Variants in CDH18 observed in about 807,000 individuals in gnomAD.
CDH18 encodes cadherin-18.
CDH18 carries 31 observed loss-of-function variants against 67.9 expected under a neutral mutation model. That is an observed-to-expected ratio of 0.46 (90% confidence interval 0.34 to 0.62). The LOEUF (loss-of-function observed/expected upper bound fraction) is 0.62. Among genes scored for constraint, CDH18 ranks in the 20% least tolerant of loss-of-function variants. The pLI is 0.01. For missense variants in CDH18, 890 were observed against 975.5 expected (o/e 0.91, Z 1.17); for synonymous variants, 362 against 347.2 (o/e 1.04, Z -0.48).
intron 2 of CDH18, among the ~76,000 whole-genome samples, chr5:20,195,062 G>A (rs1738863665): frequency 6.6e-6 from 1 of 151,960 alleles, no homozygotes; most frequent in Non-Finnish European, 1.5e-5. Context: ...CAGTATAACT[G>A]CAAAGCTAAA....
At chr5:20,323,178 TC>T (rs1229308523) in intron 1 of CDH18, among the ~76,000 whole-genome samples, 3 of 152,138 alleles carry the variant, frequency 2.0e-5, no homozygotes, top group Non-Finnish European at 4.4e-5. Context: ...GCTGTAATCA[TC>T]ACAATGAAAT....
chr5:20,390,653 T>A (rs994350345), intron 1 of CDH18, among the ~76,000 whole-genome samples: 2 of 152,108 alleles, frequency 1.3e-5, no homozygotes, highest in Non-Finnish European at 2.9e-5. Flanking sequence ...ACCCAAAGGA[T>A]TATAAATCAT....
chr5:19,865,734 G>A (rs917674383), intron 2 of CDH18, among the ~76,000 whole-genome samples: 2 of 152,160 alleles, frequency 1.3e-5, no homozygotes, highest in Non-Finnish European at 2.9e-5. Context: ...GCAAGAGACT[G>A]GGGAAGAGGG....
rs997879527 is a variant in CDH18 at position 19,473,013 on chromosome 5, C to A, written c.*213G>T. On this transcript the variant is annotated 3_prime_UTR_variant, in exon 13 of 13. Transcript: ENST00000382275. ...TGAAAATATACACAAGGAACAATAACTTTTTCTTTGTATTGTCTTTTTTTT... is the reference window on the plus strand; with the variant it reads ...TGAAAATATACACAAGGAACAATAAATTTTTCTTTGTATTGTCTTTTTTTT... The A allele has an allele frequency of 2.3e-4, 117 of 512,228 alleles. No individual in the cohort carries two copies. The highest frequency in any genetic ancestry group is 6.7e-5 in the Non-Finnish European group (20 of 296,774). 31.7% of individuals were successfully genotyped at this position (512,228 alleles called of 1,614,324 possible).
At chr5:19,627,260 G>A (rs1751691473) in intron 5 of CDH18, among the ~76,000 whole-genome samples, 1 of 152,122 alleles carries the variant, frequency 6.6e-6, no homozygotes, top group Admixed American at 6.5e-5. Context: ...TGAAGAAATA[G>A]TATCCTAAAT....
intron 3 of CDH18, among the ~76,000 whole-genome samples, chr5:19,797,317 C>T (rs1260618817): frequency 6.6e-6 from 1 of 151,824 alleles, no homozygotes; most frequent in African/African-American, 2.4e-5. Context: ...AACTTAGTAA[C>T]TTCTACTCAG....
At chr5:19,848,713 A>G (rs1783292074) in intron 2 of CDH18, among the ~76,000 whole-genome samples, 1 of 151,938 alleles carries the variant, frequency 6.6e-6, no homozygotes, top group Admixed American at 6.6e-5. Context: ...GAGGTAATGT[A>G]GGACTGGTTT....
At chr5:20,012,178 T>C (rs756154933) in intron 2 of CDH18, among the ~76,000 whole-genome samples, 2 of 151,930 alleles carry the variant, frequency 1.3e-5, no homozygotes, top group Non-Finnish European at 2.9e-5. Flanking sequence ...GGTGTATATA[T>C]CTAGGAATTT....
chr5:19,739,449 A>T (rs1392886053), intron 4 of CDH18, among the ~76,000 whole-genome samples: 1 of 152,150 alleles, frequency 6.6e-6, no homozygotes, highest in Non-Finnish European at 1.5e-5. Flanking sequence ...ACTGCAGGTG[A>T]GGGAGGCACC....
intron 1 of CDH18, among the ~76,000 whole-genome samples, chr5:20,564,894 G>A (rs974248468): frequency 2.0e-5 from 3 of 152,096 alleles, no homozygotes; most frequent in Non-Finnish European, 2.9e-5. Flanking sequence ...AAATAACTGA[G>A]TTCATTATGA....
intron 2 of CDH18, among the ~76,000 whole-genome samples, chr5:19,976,981 A>G (rs1798566113): frequency 6.6e-6 from 1 of 152,172 alleles, no homozygotes. Context: ...GTTTAAATAT[A>G]TATGCTTTTC....
intron 5 of CDH18, among the ~76,000 whole-genome samples, chr5:19,666,895 T>C (rs2150334030): frequency 1.3e-5 from 2 of 152,166 alleles, no homozygotes; most frequent in East Asian, 3.9e-4. Context: ...TTCTGTTGGA[T>C]AATGGAGAAA....
intron 1 of CDH18, among the ~76,000 whole-genome samples, chr5:20,541,913 G>A (rs1031650768): frequency 4.6e-5 from 7 of 152,078 alleles, no homozygotes; most frequent in African/African-American, 1.7e-4. Context: ...TCCCTGACGA[G>A]GTTATTGAAT....
intron 1 of CDH18, among the ~76,000 whole-genome samples, chr5:20,333,422 G>A (rs1024827196): frequency 1.5e-4 from 23 of 150,556 alleles, no homozygotes; most frequent in African/African-American, 4.4e-4. Context: ...GAGGGGAATC[G>A]CTTGAACCCA....
chr5:19,524,827 G>T (rs1196916445), intron 9 of CDH18, among the ~76,000 whole-genome samples: 8 of 152,142 alleles, frequency 5.3e-5, no homozygotes, highest in Non-Finnish European at 1.0e-4. Flanking sequence ...CTCACTACAA[G>T]CTCCGCCTCC....
At chr5:20,546,645 A>T (rs1360284581) in intron 1 of CDH18, among the ~76,000 whole-genome samples, 1 of 152,108 alleles carries the variant, frequency 6.6e-6, no homozygotes, top group African/African-American at 2.4e-5. Flanking sequence ...CACTCCCAGG[A>T]TCCAATTACA....
intron 2 of CDH18, among the ~76,000 whole-genome samples, chr5:19,908,181 T>C (rs772825311): frequency 6.6e-6 from 1 of 152,070 alleles, no homozygotes; most frequent in Non-Finnish European, 1.5e-5. Context: ...TACCTTGTTT[T>C]GATGGGGAAA....
At chr5:20,136,050 G>A (rs1749686054) in intron 2 of CDH18, among the ~76,000 whole-genome samples, 1 of 152,186 alleles carries the variant, frequency 6.6e-6, no homozygotes. Context: ...ATGTGGTGCT[G>A]AGAAGAATGT....
chr5:19,588,658 A>G (rs1434434546), intron 7 of CDH18, among the ~76,000 whole-genome samples: 1 of 152,016 alleles, frequency 6.6e-6, no homozygotes, highest in Non-Finnish European at 1.5e-5. Context: ...CAAAAGACCC[A>G]TCTCACGTGC....
Sources: gnomAD v4.1 joint callset for allele counts (sites outside exome capture counted in the v4.1 genomes callset) on GRCh38, gnomAD v4.1.1 for gene constraint, MANE v1.5 for transcripts, NCBI Gene and HGNC (gene_info 2026-07-23, HGNC 2026-07-21) for gene names.